PTPRM: variants seen among roughly 807,000 people sequenced by gnomAD.
PTPRM encodes protein tyrosine phosphatase receptor type M.
PTPRM carries 47 observed loss-of-function variants against 186.7 expected under a neutral mutation model. That is an observed-to-expected ratio of 0.25 (90% CI 0.20 to 0.32). The LOEUF (loss-of-function observed/expected upper bound fraction) is 0.32, where lower values mean the gene tolerates loss of function less well. PTPRM is among the 10% of genes least tolerant of loss of function. The pLI, the probability that PTPRM is intolerant of heterozygous loss-of-function variation, is 1.00. For missense variants in PTPRM, 1,494 were observed against 1,865.0 expected (o/e 0.80, Z 3.66); for synonymous variants, 668 against 674.9 (o/e 0.99, Z 0.16).
intron 32 of PTPRM, chr18:8,404,208 A>G (rs1289296791): frequency 6.6e-6 from 1 of 152,188 alleles, no homozygotes; most frequent in Non-Finnish European, 1.5e-5. Flanking sequence ...CGCCCTCGCT[A>G]ACACCTGCGA....
rs141549150 is a variant in PTPRM, at chr18:8,069,749, G to A, written c.1196G>A (p.Arg399His). Residue 399 changes from arginine to histidine, a missense_variant, in exon 8 of 33, where the codon CGC becomes CAC. This residue lies in a region of PTPRM where 91 missense variants were observed against 169.3 expected (regional missense o/e 0.54). Transcript: ENST00000580170. ...VEVKSRQITI[R>H]WEPFGYNVTR... is the part of the protein sequence containing the mutation. The stretch of plus-strand genomic sequence containing the variant: ...GTCAAATCTCGGCAAATCACTATCC[G>A]CTGGGAGCCATTTGGATATAATGTA... The A allele has an allele frequency of 1.2e-5, 20 of 1,613,712 alleles. No individual in the cohort carries two copies. The highest frequency in any genetic ancestry group is 3.3e-5 in the South Asian group (3 of 91,074).
chr18:7,661,393 T>C (rs1432127032), intron 1 of PTPRM, among the ~76,000 whole-genome samples: 1 of 152,230 alleles, frequency 6.6e-6, no homozygotes, highest in African/African-American at 2.4e-5. Context: ...CATGTGGGAT[T>C]CTTGCCAGTG....
intron 7 of PTPRM, among the ~76,000 whole-genome samples, chr18:7,964,284 C>G (rs2053873059): frequency 6.6e-6 from 1 of 152,202 alleles, no homozygotes; most frequent in African/African-American, 2.4e-5. Context: ...CCTTTGTGAA[C>G]ATTCAGAGGA....
chr18:8,081,859 T>G (rs2090146779), intron 9 of PTPRM, among the ~76,000 whole-genome samples: 1 of 152,154 alleles, frequency 6.6e-6, no homozygotes, highest in Non-Finnish European at 1.5e-5. Context: ...CATGAATTAG[T>G]GTATACATGT....
chr18:8,394,916 T>G (rs1431166048), intron 32 of PTPRM, among the ~76,000 whole-genome samples: 2 of 152,212 alleles, frequency 1.3e-5, no homozygotes, highest in African/African-American at 4.8e-5. Flanking sequence ...GCACTTAGTC[T>G]TCACAGAGAA....
chr18:8,253,513 T>C (rs990379610), intron 19 of PTPRM, 99 bp downstream of exon 19: 16 of 1,130,236 alleles, frequency 1.4e-5, no homozygotes, highest in Admixed American at 4.1e-5. Flanking sequence ...GAAAACCCCC[T>C]GCCCCGAGAG....
chr18:8,166,022 T>C (rs2093318496), intron 14 of PTPRM, among the ~76,000 whole-genome samples: 1 of 152,220 alleles, frequency 6.6e-6, no homozygotes, highest in African/African-American at 2.4e-5. Context: ...TGGCTGTCTG[T>C]GAACTAGAAA....
At chr18:7,842,859 AAC>A (rs2046398239) in intron 2 of PTPRM, among the ~76,000 whole-genome samples, 1 of 73,368 alleles carries the variant, frequency 1.4e-5, no homozygotes, top group African/African-American at 6.9e-5. Flanking sequence ...GAGAGAGAGA[AAC>A]ATATATATAT....
At chr18:7,630,789 A>G (rs957513579) in intron 1 of PTPRM, among the ~76,000 whole-genome samples, 1 of 152,210 alleles carries the variant, frequency 6.6e-6, no homozygotes, top group African/African-American at 2.4e-5. Flanking sequence ...AATTTTTTCA[A>G]AACTAAAGCT....
At chr18:7,774,311 C>T (rs981610908) in intron 2 of PTPRM, 40 bp downstream of exon 2, 4 of 1,603,106 alleles carry the variant, frequency 2.5e-6, no homozygotes, top group Non-Finnish European at 2.6e-6. Flanking sequence ...AAGAGGAACA[C>T]AAGAGTCTCA....
intron 10 of PTPRM, among the ~76,000 whole-genome samples, chr18:8,086,126 A>G (rs1280633071): frequency 6.6e-6 from 1 of 152,182 alleles, no homozygotes; most frequent in Non-Finnish European, 1.5e-5. Context: ...GGCATGAGGC[A>G]GAAGGTTCTG....
chr18:8,284,992 T>A (rs1271945829), intron 19 of PTPRM, among the ~76,000 whole-genome samples: 1 of 152,234 alleles, frequency 6.6e-6, no homozygotes, highest in Admixed American at 6.5e-5. Flanking sequence ...TCCAGGTAGA[T>A]GCTGGGTGCT....
At chr18:7,585,036 C>T (rs548117636) in intron 1 of PTPRM, among the ~76,000 whole-genome samples, 1 of 152,308 alleles carries the variant, frequency 6.6e-6, no homozygotes, top group East Asian at 1.9e-4. Flanking sequence ...GGAGGTTGCT[C>T]CTTCCCCAGG....
intron 1 of PTPRM, among the ~76,000 whole-genome samples, chr18:7,681,308 TTTG>T (rs2039475251): frequency 6.6e-6 from 1 of 152,176 alleles, no homozygotes; most frequent in South Asian, 2.1e-4. Flanking sequence ...TGTTATCCTT[TTTG>T]TTGTTGAAGA....
chr18:8,055,599 A>G (rs2087865745), intron 7 of PTPRM, among the ~76,000 whole-genome samples: 1 of 152,116 alleles, frequency 6.6e-6, no homozygotes, highest in South Asian at 2.1e-4. Context: ...TTATATTCTG[A>G]ATCTGGTAAT....
intron 20 of PTPRM, among the ~76,000 whole-genome samples, chr18:8,305,415 C>A (rs1436507327): frequency 6.6e-6 from 1 of 152,118 alleles, no homozygotes; most frequent in African/African-American, 2.4e-5. Context: ...TATTGTATAC[C>A]AGCTACTTAC....
rs1351992377 is a variant in PTPRM, at chr18:8,017,594, A to AAAT, written c.1133-52090_1133-52089insTAA. On this transcript the variant is annotated intron_variant, in intron 7 of 32. Coordinates refer to ENST00000580170, the MANE Select transcript of PTPRM (RefSeq NM_001105244.2). ...TAAGACTCCTTCTCAAAAAAAAAAAAAAAAAAAAAAAATTAGAGCGTCCTC... is the reference window on the plus strand; with the variant it reads ...TAAGACTCCTTCTCAAAAAAAAAAAAAATAAAAAAAAAAAATTAGAGCGTCCTC... 3.3e-5 allele frequency among the ~76,000 whole-genome samples: 5 copies of AAAT among 151,202 alleles called. 1 individual carries two copies. In the East Asian group the frequency reaches 9.7e-4, roughly 29 times the overall value.
At chr18:8,369,781 T>C (rs1250553397) in intron 23 of PTPRM, among the ~76,000 whole-genome samples, 1 of 151,856 alleles carries the variant, frequency 6.6e-6, no homozygotes, top group Non-Finnish European at 1.5e-5. Context: ...CAAGACCCCA[T>C]TGCTATAAAA....
At position 8,194,730 on chromosome 18, in the gene PTPRM, A is replaced by G. The variant is rs1409529107; in HGVS notation, c.2301-49328A>G. ...CTGTCTGTTCAAAGGAAATGTAGAA[A>G]TCTACTTCTTAATGACATTTTGTGC... On this transcript the variant is annotated intron_variant, in intron 14 of 32. Transcript: ENST00000580170. Among the ~76,000 whole-genome samples the G allele has an allele frequency of 2.0e-5, 3 of 152,214 alleles. No individual in the cohort carries two copies. The East Asian group carries it at 5.8e-4, about 29-fold the overall frequency.
Sources: allele counts gnomAD v4.1 joint callset (sites outside exome capture counted in the v4.1 genomes callset), GRCh38; gene constraint gnomAD v4.1.1; regional missense constraint gnomAD v4.1.1; transcripts MANE v1.5; gene names NCBI Gene and HGNC (gene_info 2026-07-23, HGNC 2026-07-21).